SLC35E3: variants seen among roughly 807,000 people sequenced by gnomAD.
SLC35E3 encodes bladder cancer-overexpressed gene 1 protein.
A neutral mutation model predicts 30.8 loss-of-function variants in SLC35E3; 28 were observed. The observed-to-expected ratio is 0.91, with a 90% confidence interval of 0.67 to 1.25. The LOEUF (loss-of-function observed/expected upper bound fraction) is 1.25. SLC35E3 is among the 50% of genes most tolerant of loss of function. SLC35E3 has a pLI of 0.00. For synonymous variants in SLC35E3, 146 were observed against 149.2 expected (o/e 0.98, Z 0.16); for missense variants, 365 against 375.4 (o/e 0.97, Z 0.23).
Position 68,767,415 on chromosome 12 carries a change from G to C in SLC35E3, c.*2525G>C, listed in dbSNP as rs1437566045. Reference sequence around the variant, plus strand: ...GCCTGTAGCTCCATCTACTCAGGAGGCTGAGGTGGGAGGATTGCTTGAGCC... The same window carrying C: ...GCCTGTAGCTCCATCTACTCAGGAGCCTGAGGTGGGAGGATTGCTTGAGCC... On this transcript the variant is annotated 3_prime_UTR_variant, in exon 5 of 5. Coordinates refer to ENST00000398004, the MANE Select transcript of SLC35E3 (RefSeq NM_018656.5). 1 of 151,872 alleles carries C rather than the reference G, an allele frequency of 6.6e-6. No individual in the cohort carries two copies. The highest frequency in any genetic ancestry group is 1.5e-5 in the Non-Finnish European group (1 of 68,022). The allele number at this position is 151,872 out of a possible 1,614,324, so 9.4% of individuals were successfully genotyped here.
intron 3 of SLC35E3, among the ~76,000 whole-genome samples, chr12:68,757,118 T>C (rs978189447): frequency 2.0e-5 from 3 of 152,170 alleles, no homozygotes; most frequent in Non-Finnish European, 4.4e-5. Context: ...AAAATCGGCA[T>C]ACAAAGGACA....
intron 3 of SLC35E3, among the ~76,000 whole-genome samples, chr12:68,756,613 A>G (rs1305742260): frequency 1.3e-5 from 2 of 152,190 alleles, no homozygotes; most frequent in Non-Finnish European, 2.9e-5. Flanking sequence ...ATAATCCACC[A>G]TGATCAAGTG....
rs369442063 is a variant in SLC35E3 at position 68,746,721 on chromosome 12, T to C, written c.344T>C (p.Ile115Thr). The stretch of plus-strand genomic sequence containing the variant: ...AAGGCCATGACCACGCCGGTGATCA[T>C]AGCCATCCAGACCTTCTGCTACCAG... ...LAKAMTTPVI[I>T]AIQTFCYQKT... Residue 115 changes from isoleucine to threonine, a missense_variant, in exon 1 of 5, where the codon ATA (isoleucine) becomes ACA (threonine). Coordinates refer to ENST00000398004, the MANE Select transcript of SLC35E3 (RefSeq NM_018656.5). 1.9e-5 allele frequency: 30 copies of C among 1,613,106 alleles called. No individual in the cohort carries two copies. Among genetic ancestry groups the C allele is most frequent in the African/African-American group, 1.3e-5 (1 of 74,898 alleles).
intron 4 of SLC35E3, among the ~76,000 whole-genome samples, chr12:68,763,458 C>T (rs960089123): frequency 7.9e-5 from 12 of 150,986 alleles, no homozygotes; most frequent in African/African-American, 2.9e-4. Flanking sequence ...GGTGTGATCT[C>T]GGCTCACTGC....
chr12:68,773,698 G>A lies in SLC35E3; in HGVS notation c.*8808G>A, dbSNP rs923846219. On this transcript the variant is annotated 3_prime_UTR_variant, in exon 5 of 5. Coordinates refer to ENST00000398004, the MANE Select transcript of SLC35E3 (RefSeq NM_018656.5). ...ATTACAGCTGTGAAACACCGCGCCT[G>A]GAGTTTAAAAGCAAGATTAACCTTT... The A allele has an allele frequency of 1.3e-5, 2 of 152,124 alleles. No individual in the cohort carries two copies. Among genetic ancestry groups the A allele is most frequent in the African/African-American group, 4.8e-5 (2 of 41,416 alleles). The allele number at this position is 152,124 out of a possible 1,614,324, so 9.4% of individuals were successfully genotyped here.
chr12:68,759,281 T>A, intron 4 of SLC35E3, 42 bp downstream of exon 4: 1 of 1,476,900 alleles, frequency 6.8e-7, no homozygotes, highest in South Asian at 1.2e-5. Context: ...GTCTTTTATA[T>A]TTTCCAAAAC....
intron 1 of SLC35E3, among the ~76,000 whole-genome samples, chr12:68,747,458 G>A (rs1159932327): frequency 6.6e-6 from 1 of 152,022 alleles, no homozygotes; most frequent in Non-Finnish European, 1.5e-5. Context: ...TAGTAAAGAC[G>A]GGGTTTCTCC....
chr12:68,765,191 G>C lies in SLC35E3; in HGVS notation c.*301G>C. Reference sequence around the variant, plus strand: ...GAATCACTTGAACCCGGGAGGCGGCGGTTGCAGTGAGCCGAGATCGTACCA... The same window carrying C: ...GAATCACTTGAACCCGGGAGGCGGCCGTTGCAGTGAGCCGAGATCGTACCA... On this transcript the variant is annotated 3_prime_UTR_variant, in exon 5 of 5. Transcript: ENST00000398004. The C allele has an allele frequency of 5.3e-6, 1 of 189,114 alleles. No individual in the cohort carries two copies. The allele number at this position is 189,114 out of a possible 1,614,324, so 11.7% of individuals were successfully genotyped here. A position where few individuals can be genotyped will look rare whatever the true frequency, so the allele number is the denominator to read the frequency against.
chr12:68,752,150 GAGA>G lies in SLC35E3; in HGVS notation c.635_637del (p.Glu212del), dbSNP rs1402741610. The stretch of plus-strand genomic sequence containing the variant: ...GTGCCCTTCTTTGAGCCAGTGTTTG[GAGA>G]AGGAGGAATATTTGGTCCCTGGTCA... On this transcript the variant is annotated inframe_deletion, in exon 3 of 5. Coordinates refer to ENST00000398004, the MANE Select transcript of SLC35E3 (RefSeq NM_018656.5). The G allele has an allele frequency of 6.2e-7, 1 of 1,613,642 alleles. No individual in the cohort carries two copies. The highest frequency in any genetic ancestry group is 8.5e-7 in the Non-Finnish European group (1 of 1,179,924).
At position 68,767,853 on chromosome 12, in the gene SLC35E3, G is replaced by C. The variant is rs188535134; in HGVS notation, c.*2963G>C. 6.6e-6 allele frequency: 1 copy of C among 152,088 alleles called. No individual in the cohort carries two copies. Among genetic ancestry groups the C allele is most frequent in the East Asian group, 1.9e-4 (1 of 5,188 alleles). 9.4% of individuals were successfully genotyped at this position (152,088 alleles called of 1,614,324 possible). A position where few individuals can be genotyped will look rare whatever the true frequency, so the allele number is the denominator to read the frequency against. On this transcript the variant is annotated 3_prime_UTR_variant, in exon 5 of 5. Transcript: ENST00000398004. ...AATTAGTTTTTACCAGATAAGCCTC[G>C]GGTATTATGTTTGTCTAAGAAACAT...
chr12:68,752,527 A>G (rs546896417), intron 3 of SLC35E3, among the ~76,000 whole-genome samples: 77 of 152,336 alleles, frequency 5.1e-4, no homozygotes, highest in African/African-American at 1.7e-3. Context: ...TACAATGAAA[A>G]CATAGCTTTA....
chr12:68,753,961 C>G (rs1191106482), intron 3 of SLC35E3, among the ~76,000 whole-genome samples: 1 of 151,876 alleles, frequency 6.6e-6, no homozygotes, highest in African/African-American at 2.4e-5. Context: ...AAGCGGTTCT[C>G]CTGCCTCAGA....
At position 68,778,336 on chromosome 12, in the gene SLC35E3, C is replaced by G. The variant is rs1051440788; in HGVS notation, c.*13446C>G. Reference sequence around the variant, plus strand: ...CTAATAGAGGTGATAGAGCAGGCAGCAGGGAAGTTAGTAACCTTGTCTAAT... The same window carrying G: ...CTAATAGAGGTGATAGAGCAGGCAGGAGGGAAGTTAGTAACCTTGTCTAAT... On this transcript the variant is annotated 3_prime_UTR_variant, in exon 5 of 5. Coordinates refer to ENST00000398004, the MANE Select transcript of SLC35E3 (RefSeq NM_018656.5). 2.0e-5 allele frequency: 3 copies of G among 151,974 alleles called. No individual in the cohort carries two copies. Among genetic ancestry groups the G allele is most frequent in the African/African-American group, 7.3e-5 (3 of 41,340 alleles). The allele number at this position is 151,974 out of a possible 1,614,324, so 9.4% of individuals were successfully genotyped here. A position where few individuals can be genotyped will look rare whatever the true frequency, so the allele number is the denominator to read the frequency against.
intron 1 of SLC35E3, among the ~76,000 whole-genome samples, chr12:68,747,150 TA>T (rs1878615689): frequency 6.6e-6 from 1 of 152,162 alleles, no homozygotes; most frequent in Non-Finnish European, 1.5e-5. Context: ...TGAAAAGATG[TA>T]GCATAAAGTA....
At chr12:68,758,860 G>A (rs1284157792) in intron 3 of SLC35E3, among the ~76,000 whole-genome samples, 4 of 140,292 alleles carry the variant, frequency 2.9e-5, no homozygotes, top group African/African-American at 7.9e-5. Flanking sequence ...TCCTGCCTCA[G>A]CCTCCCAAGT....
rs1879723392 is a variant in SLC35E3 at position 68,775,808 on chromosome 12, C to G, written c.*10918C>G. On this transcript the variant is annotated 3_prime_UTR_variant, in exon 5 of 5. Transcript: ENST00000398004. ...ACTAAAAATATAAAAATTAGCCAGG[C>G]ATGCTGGCGTGTGCCTGTAATCCCA... 6.6e-6 allele frequency: 1 copy of G among 150,538 alleles called. No homozygotes were observed. The highest frequency in any genetic ancestry group is 2.4e-5 in the African/African-American group (1 of 40,830). 9.3% of individuals were successfully genotyped at this position (150,538 alleles called of 1,614,324 possible).
At position 68,775,973 on chromosome 12, in the gene SLC35E3, A is replaced by C. The variant is rs1221962118; in HGVS notation, c.*11083A>C. On this transcript the variant is annotated 3_prime_UTR_variant, in exon 5 of 5. Coordinates refer to ENST00000398004, the MANE Select transcript of SLC35E3 (RefSeq NM_018656.5). ...CAAAAAAAAAAAAAAAAAAAAAAAA[A>C]AAAAAAGGCCAGACTTGGTAGCTAA... 1 of 146,276 alleles carries C rather than the reference A, an allele frequency of 6.8e-6. No homozygotes were observed. Among genetic ancestry groups the C allele is most frequent in the Non-Finnish European group, 1.5e-5 (1 of 67,364 alleles). 9.1% of individuals were successfully genotyped at this position (146,276 alleles called of 1,614,324 possible).
At chr12:68,758,184 G>A (rs1879099106) in intron 3 of SLC35E3, among the ~76,000 whole-genome samples, 1 of 151,910 alleles carries the variant, frequency 6.6e-6, no homozygotes. Flanking sequence ...CACTTTGGGA[G>A]GCCGAGGTGG....
At chr12:68,753,102 C>T (rs1878863793) in intron 3 of SLC35E3, among the ~76,000 whole-genome samples, 1 of 39,506 alleles carries the variant, frequency 2.5e-5, no homozygotes, top group Non-Finnish European at 7.0e-5. Flanking sequence ...GCTGGGATCA[C>T]ACCTGTCTCA....
Sources: allele counts gnomAD v4.1 joint callset (sites outside exome capture counted in the v4.1 genomes callset), GRCh38; gene constraint gnomAD v4.1.1; transcripts MANE v1.5; gene names NCBI Gene and HGNC (gene_info 2026-07-23, HGNC 2026-07-21).